DNAH6: variants seen among roughly 807,000 people sequenced by gnomAD.
DNAH6 encodes axonemal beta dynein heavy chain 6.
Under a neutral mutation model 491.4 loss-of-function variants are expected in DNAH6, and 340 were observed. The ratio of observed to expected loss-of-function variants is 0.69; its 90% CI spans 0.63 to 0.76. The LOEUF is 0.76. Ranked by LOEUF, DNAH6 falls within the 30% of genes least tolerant of loss-of-function variation. The pLI is 0.00. For synonymous variants in DNAH6, 1,603 were observed against 1,686.1 expected (o/e 0.95, Z 1.21); for missense variants, 4,443 against 4,972.2 (o/e 0.89, Z 3.20).
At chr2:84,696,089 T>C (rs968956652) in intron 46 of DNAH6, among the ~76,000 whole-genome samples, 4 of 151,924 alleles carry the variant, frequency 2.6e-5, no homozygotes, top group African/African-American at 7.2e-5. Context: ...GGCTGTAACT[T>C]AACAAATACA....
intron 29 of DNAH6, among the ~76,000 whole-genome samples, chr2:84,626,128 G>A (rs181993372): frequency 1.8e-3 from 273 of 151,966 alleles, no homozygotes; most frequent in African/African-American, 6.4e-3. Context: ...AAAAACTCAT[G>A]GATTTGCAGG....
At chr2:84,499,880 G>T in the DNAH6 span, among the ~76,000 whole-genome samples, 13,591 of 89,432 alleles carry the variant, frequency 0.15, 826 homozygotes, top group Middle Eastern at 0.23. Context: ...TTTTGATCAG[G>T]TTATTAGTTT....
At chr2:84,682,111 T>C (rs1376847036) in intron 42 of DNAH6, among the ~76,000 whole-genome samples, 1 of 152,214 alleles carries the variant, frequency 6.6e-6, no homozygotes, top group African/African-American at 2.4e-5. Flanking sequence ...CTGTCTCACT[T>C]ACTCCCTCAA....
chr2:84,600,969 T>C (rs1414965756), intron 18 of DNAH6, among the ~76,000 whole-genome samples: 1 of 140,084 alleles, frequency 7.1e-6, no homozygotes, highest in African/African-American at 3.0e-5. Flanking sequence ...ATAATAACAC[T>C]ATATTATTAT....
chr2:84,770,813 C>A (rs976058732), intron 64 of DNAH6, among the ~76,000 whole-genome samples: 3 of 148,886 alleles, frequency 2.0e-5, no homozygotes, highest in Admixed American at 1.3e-4. Flanking sequence ...TAAGACCCTG[C>A]CTCTACAAAA....
intron 63 of DNAH6, among the ~76,000 whole-genome samples, chr2:84,748,999 T>C (rs912276742): frequency 6.6e-6 from 1 of 152,150 alleles, no homozygotes; most frequent in Non-Finnish European, 1.5e-5. Context: ...GGCACCAGAC[T>C]CTTTTAAACA....
At chr2:84,615,170 A>C (rs1686724853) in intron 22 of DNAH6, among the ~76,000 whole-genome samples, 1 of 152,048 alleles carries the variant, frequency 6.6e-6, no homozygotes, top group Non-Finnish European at 1.5e-5. Flanking sequence ...TTATGGTTTC[A>C]GGTCTTAGAT....
intron 3 of DNAH6, among the ~76,000 whole-genome samples, 199 bp from the exon 4 acceptor site, chr2:84,528,705 C>T (rs774285744): frequency 6.6e-6 from 1 of 151,982 alleles, no homozygotes; most frequent in Admixed American, 6.6e-5. Flanking sequence ...TAAAAGGATG[C>T]GTATCTGGAT....
At chr2:84,508,046 T>C in the DNAH6 span, among the ~76,000 whole-genome samples, 22 of 152,236 alleles carry the variant, frequency 1.4e-4, no homozygotes, top group Admixed American at 1.2e-3. Context: ...GTTGTGTCTC[T>C]GCCAGGCTTT....
chr2:84,699,796 C>T (rs1695720546), intron 48 of DNAH6, 62 bp downstream of exon 48: 6 of 1,506,728 alleles, frequency 4.0e-6, no homozygotes, highest in Non-Finnish European at 5.4e-6. Flanking sequence ...AAAGGGGTAA[C>T]ACATTGTCCA....
chr2:84,720,267 CTTTTTTTTTTT>C (rs56944137), intron 59 of DNAH6, among the ~76,000 whole-genome samples: 1 of 49,480 alleles, frequency 2.0e-5, no homozygotes, highest in African/African-American at 7.4e-5. Flanking sequence ...AAGAGTGCTT[CTTTTTTTTTTT>C]TTTTTTTTTT....
At chr2:84,611,219 G>T (rs1686293441) in intron 21 of DNAH6, among the ~76,000 whole-genome samples, 1 of 152,134 alleles carries the variant, frequency 6.6e-6, no homozygotes, top group Admixed American at 6.6e-5. Flanking sequence ...GCTGACATGA[G>T]CAGGGTTTTT....
At chr2:84,662,130 A>C (rs1473727409) in intron 37 of DNAH6, among the ~76,000 whole-genome samples, 1 of 152,164 alleles carries the variant, frequency 6.6e-6, no homozygotes, top group Non-Finnish European at 1.5e-5. Context: ...ATAGAACAGA[A>C]AGTAGAGTGA....
At chr2:84,701,059 G>T in intron 48 of DNAH6, 38 bp from the exon 49 acceptor site, 1 of 1,541,696 alleles carries the variant, frequency 6.5e-7, no homozygotes, top group South Asian at 1.2e-5. Flanking sequence ...TTATTGAAAT[G>T]ACACAACAGA....
Position 84,673,927 on chromosome 2 carries a change from C to T in DNAH6, c.6612+1443C>T, listed in dbSNP as rs532847423. The stretch of plus-strand genomic sequence containing the variant: ...CCCAGGATCAATACTTTGTATCCTT[C>T]AATCCAATCAAGTTGATATTCAGTA... On this transcript the variant is annotated intron_variant, in intron 40 of 76. Transcript: ENST00000389394. 6.6e-5 allele frequency among the ~76,000 whole-genome samples: 10 copies of T among 152,310 alleles called. No individual in the cohort carries two copies. The South Asian group carries it at 1.7e-3, about 25-fold the overall frequency.
intron 16 of DNAH6, 146 bp from the exon 17 acceptor site, chr2:84,593,826 C>A: frequency 2.0e-5 from 6 of 303,338 alleles, no homozygotes; most frequent in Non-Finnish European, 3.6e-5. Context: ...TTTTCTTCAT[C>A]TGTTTCTAGT....
chr2:84,533,283 A>G (rs780629869), intron 4 of DNAH6, among the ~76,000 whole-genome samples: 3 of 152,162 alleles, frequency 2.0e-5, no homozygotes, highest in Non-Finnish European at 4.4e-5. Context: ...ATGGTCATAC[A>G]GTGAAATAAC....
intron 29 of DNAH6, among the ~76,000 whole-genome samples, chr2:84,632,349 A>AC (rs1429373439): frequency 6.6e-6 from 1 of 151,506 alleles, no homozygotes; most frequent in South Asian, 2.1e-4. Context: ...TGGATTTCAA[A>AC]CCCCCCACTC....
At chr2:84,595,374 A>G (rs968810741) in intron 17 of DNAH6, among the ~76,000 whole-genome samples, 19 of 152,158 alleles carry the variant, frequency 1.2e-4, no homozygotes, top group African/African-American at 4.3e-4. Context: ...AAAAATAGCT[A>G]TTTGTCTCCT....
Sources: allele counts gnomAD v4.1 joint callset (sites outside exome capture counted in the v4.1 genomes callset), GRCh38; gene constraint gnomAD v4.1.1; transcripts MANE v1.5; gene names NCBI Gene and HGNC (gene_info 2026-07-23, HGNC 2026-07-21).